PABPC4L: variants seen among roughly 807,000 people sequenced by gnomAD.
The protein encoded by PABPC4L is poly(A) binding protein cytoplasmic 4 like, also known as polyadenylate-binding protein 4-like.
For missense variants in PABPC4L, 452 were observed against 451.4 expected, an observed-to-expected ratio of 1.00 and a Z score of -0.01; for synonymous variants, 169 against 164.1, an observed-to-expected ratio of 1.03 and a Z score of -0.23.
chr4:134,038,463 G>T, the PABPC4L span, among the ~76,000 whole-genome samples: 94 of 152,064 alleles, frequency 6.2e-4, no homozygotes, highest in African/African-American at 2.2e-3. Flanking sequence ...GGACTTTTTT[G>T]GTTGGTAGGC....
the PABPC4L span, among the ~76,000 whole-genome samples, chr4:134,040,823 C>T: frequency 3.9e-5 from 6 of 152,008 alleles, no homozygotes; most frequent in African/African-American, 1.2e-4. Flanking sequence ...TTGCAATCTA[C>T]CCATCTGACA....
At chr4:134,174,628 A>G in the PABPC4L span, among the ~76,000 whole-genome samples, 1 of 152,126 alleles carries the variant, frequency 6.6e-6, no homozygotes, top group African/African-American at 2.4e-5. Flanking sequence ...ATGACTGTAT[A>G]TGTATTTATG....
chr4:134,168,507 T>C, the PABPC4L span, among the ~76,000 whole-genome samples: 1 of 151,186 alleles, frequency 6.6e-6, no homozygotes, highest in African/African-American at 2.4e-5. Flanking sequence ...TAAACAAAAT[T>C]AACAAACATT....
the PABPC4L span, among the ~76,000 whole-genome samples, chr4:134,152,640 C>A: frequency 1.3e-5 from 2 of 152,156 alleles, no homozygotes; most frequent in African/African-American, 4.8e-5. Flanking sequence ...ACGCTTCCAA[C>A]CTCTCCCCAT....
the PABPC4L span, among the ~76,000 whole-genome samples, chr4:134,177,724 C>T: frequency 6.6e-6 from 1 of 152,088 alleles, no homozygotes; most frequent in Admixed American, 6.5e-5. Flanking sequence ...GATGTCAGAG[C>T]ACATGACACC....
the PABPC4L span, among the ~76,000 whole-genome samples, chr4:134,028,995 A>C: frequency 2.0e-5 from 3 of 152,156 alleles, no homozygotes; most frequent in Non-Finnish European, 4.4e-5. Context: ...ACCAAGTAAC[A>C]GTATTTTTAA....
the PABPC4L span, among the ~76,000 whole-genome samples, chr4:134,022,674 G>T: frequency 4.0e-5 from 6 of 151,590 alleles, no homozygotes; most frequent in Non-Finnish European, 8.8e-5. Flanking sequence ...TTACTTTTGG[G>T]ATTTATTTAG....
At chr4:134,163,486 A>G in the PABPC4L span, among the ~76,000 whole-genome samples, 1 of 152,268 alleles carries the variant, frequency 6.6e-6, no homozygotes, top group Non-Finnish European at 1.5e-5. Flanking sequence ...GAAGGAAATC[A>G]TCTCTTATTC....
the PABPC4L span, among the ~76,000 whole-genome samples, chr4:134,012,565 A>G: frequency 1.3e-5 from 2 of 152,156 alleles, no homozygotes; most frequent in Non-Finnish European, 2.9e-5. Flanking sequence ...GGTGATTAAA[A>G]GCTTTATTGC....
the PABPC4L span, among the ~76,000 whole-genome samples, chr4:134,119,194 T>C: frequency 6.6e-6 from 1 of 151,732 alleles, no homozygotes; most frequent in Non-Finnish European, 1.5e-5. Flanking sequence ...AGGAGAACCA[T>C]GAAATTTTAT....
the PABPC4L span, chr4:133,977,955 T>C: frequency 6.6e-6 from 1 of 152,214 alleles, no homozygotes; most frequent in Non-Finnish European, 1.5e-5. Flanking sequence ...TAGAAAGGCA[T>C]AAACACTTAC....
the PABPC4L span, among the ~76,000 whole-genome samples, chr4:134,176,916 A>T: frequency 6.6e-6 from 1 of 152,080 alleles, no homozygotes; most frequent in African/African-American, 2.4e-5. Context: ...GGCAACTCAC[A>T]AGTCCAAGGA....
the PABPC4L span, among the ~76,000 whole-genome samples, chr4:134,176,526 A>T: frequency 6.6e-6 from 1 of 152,138 alleles, no homozygotes; most frequent in African/African-American, 2.4e-5. Flanking sequence ...AGAAACACTT[A>T]AAAATAATCA....
chr4:134,200,375 T>G lies in PABPC4L; in HGVS notation c.645A>C (p.Lys215Asn). Reference sequence around the variant, plus strand: ...CTGTCATCACCTTAACACTCAGAGTTTTGCCATATTTGCTGAAAACGTCCT... The same window carrying G: ...CTGTCATCACCTTAACACTCAGAGTGTTGCCATATTTGCTGAAAACGTCCT... ...RLKDVFSKYG[K>N]TLSVKVMTDS... The change falls in exon 2 of 2, where the codon AAA becomes AAC. Residue 215 changes from lysine (K) to asparagine (N), a missense_variant. Physicochemically the swap from Lys to Asn is moderately conservative, Grantham distance 94. Coordinates refer to ENST00000421491, the MANE Select transcript of PABPC4L (RefSeq NM_001114734.2). The G allele has an allele frequency of 6.3e-7, 1 of 1,575,992 alleles. No individual in the cohort carries two copies. Among genetic ancestry groups the G allele is most frequent in the Non-Finnish European group, 8.6e-7 (1 of 1,159,302 alleles).
At chr4:134,100,550 C>G in the PABPC4L span, among the ~76,000 whole-genome samples, 1 of 151,568 alleles carries the variant, frequency 6.6e-6, no homozygotes, top group Non-Finnish European at 1.5e-5. Context: ...TACAATAATG[C>G]AACCTGGGTG....
At chr4:134,121,355 A>G in the PABPC4L span, among the ~76,000 whole-genome samples, 5 of 151,570 alleles carry the variant, frequency 3.3e-5, no homozygotes, top group East Asian at 9.7e-4. Context: ...ATTTTATTGA[A>G]TGTTGAACAT....
At chr4:134,076,695 T>C in the PABPC4L span, among the ~76,000 whole-genome samples, 6 of 152,080 alleles carry the variant, frequency 3.9e-5, no homozygotes, top group Non-Finnish European at 5.9e-5. Flanking sequence ...TCATGAGATA[T>C]CCAAGATTTG....
chr4:133,971,296 A>G, the PABPC4L span, among the ~76,000 whole-genome samples: 1 of 151,598 alleles, frequency 6.6e-6, no homozygotes, highest in East Asian at 1.9e-4. Flanking sequence ...TATTTTTAGT[A>G]GAGACGGGGT....
chr4:134,119,246 G>T, the PABPC4L span, among the ~76,000 whole-genome samples: 1 of 151,644 alleles, frequency 6.6e-6, no homozygotes, highest in Admixed American at 6.6e-5. Context: ...AAGCGACAGT[G>T]ACTGGTCTCT....
Sources: allele counts gnomAD v4.1 joint callset (sites outside exome capture counted in the v4.1 genomes callset), GRCh38; gene constraint gnomAD v4.1.1; transcripts MANE v1.5; gene names NCBI Gene and HGNC (gene_info 2026-07-23, HGNC 2026-07-21).